NECAB2: variants seen among roughly 807,000 people sequenced by gnomAD.
The protein encoded by NECAB2 is N-terminal EF-hand calcium binding protein 2.
NECAB2 carries 68 observed loss-of-function variants against 51.9 expected under a neutral mutation model. That is an observed-to-expected ratio of 1.31 (90% CI 1.08 to 1.60). NECAB2 has a LOEUF of 1.60. Among genes scored for constraint, NECAB2 ranks in the 40% most tolerant of loss-of-function variants. NECAB2 has a pLI of 0.00. For synonymous variants in NECAB2, 329 were observed against 203.5 expected (o/e 1.62, Z -5.25); for missense variants, 854 against 490.3 (o/e 1.74, Z -7.00).
At chr16:83,989,372 C>G (rs930741833) in intron 5 of NECAB2, among the ~76,000 whole-genome samples, 1 of 152,224 alleles carries the variant, frequency 6.6e-6, no homozygotes, top group Non-Finnish European at 1.5e-5. Context: ...TAGCTGTCTT[C>G]TCATGTGCCC....
rs757199455 is a variant in NECAB2 at position 83,998,368 on chromosome 16, G to A, written c.962+51G>A. ...GGGATGGTGGCAGGGAGCTCTGCCT[G>A]GCAGTGGAGGAACAGGGCAGGACTA... On this transcript the variant is annotated intron_variant, in intron 10 of 12. Coordinates refer to ENST00000305202, the MANE Select transcript of NECAB2 (RefSeq NM_019065.3). 8 of 1,542,276 alleles carry A rather than the reference G, an allele frequency of 5.2e-6. No homozygotes were observed. In the Admixed American group the frequency reaches 1.0e-4, roughly 20 times the overall value.
At chr16:84,000,701 C>T (rs760144985) in intron 10 of NECAB2, 23 bp from the exon 11 acceptor site, 10 of 1,612,360 alleles carry the variant, frequency 6.2e-6, no homozygotes, top group South Asian at 1.1e-5. Flanking sequence ...CAGCCTCCTC[C>T]CCCCGACCAT....
chr16:83,983,445 A>G (rs939690402), intron 5 of NECAB2, among the ~76,000 whole-genome samples: 1 of 152,132 alleles, frequency 6.6e-6, no homozygotes, highest in African/African-American at 2.4e-5. Context: ...TTCTCTGCTG[A>G]TTATCATATT....
At position 83,968,535 on chromosome 16, in the gene NECAB2, A is replaced by G; in HGVS notation, c.-114A>G. ...CCGCGGTGTCCGCGGCCGCGGGGGC[A>G]GCGGGAGAGAGGGCGGGGCGGCGCG... On this transcript the variant is annotated 5_prime_UTR_variant, in exon 1 of 13. Coordinates refer to ENST00000305202, the MANE Select transcript of NECAB2 (RefSeq NM_019065.3). The G allele has an allele frequency of 1.2e-6, 1 of 817,102 alleles. No homozygotes were observed. Among genetic ancestry groups the G allele is most frequent in the Non-Finnish European group, 1.5e-6 (1 of 681,178 alleles). 50.6% of individuals were successfully genotyped at this position (817,102 alleles called of 1,614,324 possible).
intron 5 of NECAB2, among the ~76,000 whole-genome samples, chr16:83,982,334 T>C (rs936682166): frequency 2.0e-5 from 3 of 152,188 alleles, no homozygotes; most frequent in Non-Finnish European, 4.4e-5. Flanking sequence ...GTTTTGAGTC[T>C]TGCTGTTTTA....
Position 84,002,500 on chromosome 16 carries a change from C to G in NECAB2, c.*154C>G. On this transcript the variant is annotated 3_prime_UTR_variant, in exon 13 of 13. Transcript: ENST00000305202. Reference sequence around the variant, plus strand: ...CCCTGTTGTTAAGTGAAGGAGGCCGCCCCTGCCCCCACCTGAGAAGGCAGA... The same window carrying G: ...CCCTGTTGTTAAGTGAAGGAGGCCGGCCCTGCCCCCACCTGAGAAGGCAGA... The G allele has an allele frequency of 2.1e-6, 2 of 961,790 alleles. No individual in the cohort carries two copies. Among genetic ancestry groups the G allele is most frequent in the Non-Finnish European group, 3.2e-6 (2 of 629,638 alleles). The allele number at this position is 961,790 out of a possible 1,614,324, so 59.6% of individuals were successfully genotyped here. A position where few individuals can be genotyped will look rare whatever the true frequency, so the allele number is the denominator to read the frequency against.
intron 8 of NECAB2, among the ~76,000 whole-genome samples, chr16:83,996,773 C>T (rs1341346763): frequency 6.6e-6 from 1 of 152,186 alleles, no homozygotes; most frequent in African/African-American, 2.4e-5. Context: ...CCGAAACTTA[C>T]AGTGGGGCAG....
At chr16:83,982,017 C>A (rs1470714779) in intron 5 of NECAB2, among the ~76,000 whole-genome samples, 1 of 152,194 alleles carries the variant, frequency 6.6e-6, no homozygotes, top group Non-Finnish European at 1.5e-5. Flanking sequence ...GTTTTTCCAT[C>A]TGTGAAATGG....
At position 83,986,206 on chromosome 16, in the gene NECAB2, G is replaced by A. The variant is rs190133465; in HGVS notation, c.460-4288G>A. Among the ~76,000 whole-genome samples, 58 of 152,078 alleles carry A rather than the reference G, an allele frequency of 3.8e-4. 1 individual carries two copies. The highest frequency in any genetic ancestry group is 7.2e-4 in the Admixed American group (11 of 15,260). ...TAATTTTTGTGTTTCTAGTAGAGAC[G>A]GGTTTTCACCCTGTTGGCCAGGCTG... On this transcript the variant is annotated intron_variant, in intron 5 of 12. Coordinates refer to ENST00000305202, the MANE Select transcript of NECAB2 (RefSeq NM_019065.3).
rs1437605837 is a variant in NECAB2 at position 84,002,356 on chromosome 16, A to C, written c.*10A>C. On this transcript the variant is annotated 3_prime_UTR_variant, in exon 13 of 13. Coordinates refer to ENST00000305202, the MANE Select transcript of NECAB2 (RefSeq NM_019065.3). ...GGTGGGACGGGACTGACAGCCTCCC[A>C]GAGGCCCGTGGAGGAGCCCACCAGC... is the stretch of plus-strand genomic sequence containing the variant. The C allele has an allele frequency of 6.2e-7, 1 of 1,613,854 alleles. No homozygotes were observed. The highest frequency in any genetic ancestry group is 8.5e-7 in the Non-Finnish European group (1 of 1,179,872).
chr16:83,970,124 G>A (rs1435295371), intron 1 of NECAB2, among the ~76,000 whole-genome samples: 1 of 152,220 alleles, frequency 6.6e-6, no homozygotes, highest in Non-Finnish European at 1.5e-5. Flanking sequence ...GCCCCAAGCT[G>A]CCCTGCATGG....
At chr16:83,994,857 AC>A (rs34144028) in intron 8 of NECAB2, among the ~76,000 whole-genome samples, 169 bp downstream of exon 8, 2 of 152,100 alleles carry the variant, frequency 1.3e-5, no homozygotes, top group Non-Finnish European at 2.9e-5. Flanking sequence ...TAAGGATCAA[AC>A]CCCGGGGGAT....
chr16:83,965,621 C>G (rs140495749), upstream of NECAB2: 1 of 1,613,188 alleles, frequency 6.2e-7, no homozygotes, highest in Non-Finnish European at 8.5e-7. Context: ...GCAGTCCATC[C>G]TGTCGCCCAG....
At chr16:83,987,727 T>G (rs765686052) in intron 5 of NECAB2, among the ~76,000 whole-genome samples, 129 of 134,358 alleles carry the variant, frequency 9.6e-4, no homozygotes, top group Non-Finnish European at 1.7e-3. Flanking sequence ...TTTGCTATTA[T>G]GAGTATTACA....
upstream of NECAB2, among the ~76,000 whole-genome samples, chr16:83,968,005 G>T (rs2151082046): frequency 6.6e-6 from 1 of 152,036 alleles, no homozygotes; most frequent in South Asian, 2.1e-4. Flanking sequence ...TGGATGGACG[G>T]ACAGGTGGGT....
At chr16:83,966,131 G>C, upstream of NECAB2, 1 of 775,154 alleles carries the variant, frequency 1.3e-6, no homozygotes, top group Non-Finnish European at 2.0e-6. Context: ...CTGGCCTTTG[G>C]GGTCAAGAGG....
chr16:83,985,969 A>T (rs1006944584), intron 5 of NECAB2, among the ~76,000 whole-genome samples: 1 of 152,186 alleles, frequency 6.6e-6, no homozygotes, highest in Non-Finnish European at 1.5e-5. Context: ...AGGTAAAATT[A>T]TGTCTCTTCT....
chr16:83,999,349 A>G (rs533229840), intron 10 of NECAB2, among the ~76,000 whole-genome samples: 1 of 152,138 alleles, frequency 6.6e-6, no homozygotes, highest in East Asian at 1.9e-4. Flanking sequence ...CCATTACGTG[A>G]ATAAGTGGGA....
chr16:83,967,577 T>C (rs1308029897), upstream of NECAB2, among the ~76,000 whole-genome samples: 2 of 114,762 alleles, frequency 1.7e-5, no homozygotes, highest in Non-Finnish European at 3.5e-5. Flanking sequence ...GGTGGGTGGA[T>C]GGATGGGAGG....
Sources: allele counts gnomAD v4.1 joint callset (sites outside exome capture counted in the v4.1 genomes callset), GRCh38; gene constraint gnomAD v4.1.1; transcripts MANE v1.5; gene names NCBI Gene and HGNC (gene_info 2026-07-23, HGNC 2026-07-21).